AGL: variants seen among roughly 807,000 people sequenced by gnomAD.
AGL encodes the protein amylo-alpha-1,6-glucosidase and 4-alpha-glucanotransferase, also known as glycogen debranching enzyme.
In AGL, 128 loss-of-function variants were observed where a neutral mutation model predicts 199.3. That is an observed-to-expected ratio of 0.64 (90% confidence interval 0.56 to 0.74). The LOEUF (loss-of-function observed/expected upper bound fraction) is 0.74. Among genes scored for constraint, AGL ranks in the 30% least tolerant of loss-of-function variants. The pLI, the probability that AGL is intolerant of heterozygous loss-of-function variation, is 0.00. For missense variants in AGL, 1,809 were observed against 1,820.8 expected (o/e 0.99, Z 0.12); for synonymous variants, 584 against 594.7 (o/e 0.98, Z 0.26).
chr1:99,876,569 T>C lies in AGL; in HGVS notation c.1395T>C (p.Asp465=). 1 of 1,614,050 alleles carries C rather than the reference T, an allele frequency of 6.2e-7. No individual in the cohort carries two copies. The highest frequency in any genetic ancestry group is 8.5e-7 in the Non-Finnish European group (1 of 1,179,978). The change falls in exon 11 of 34, where the codon GAT becomes GAC. Residue 465 remains aspartate (D), a synonymous_variant. Transcript: ENST00000361915. ...CACACAATGGATGGGTAATGGGAGA[T>C]GATCCTCTTCGAAACTTTGCTGAAC... The part of the protein sequence containing the change: ...LMAHNGWVMG[D]DPLRNFAEPG...
chr1:99,886,388 A>G (rs1013272236), intron 20 of AGL, among the ~76,000 whole-genome samples: 1 of 152,110 alleles, frequency 6.6e-6, no homozygotes, highest in Non-Finnish European at 1.5e-5. Context: ...CTGAGGTAAC[A>G]GCATCAGCAT....
chr1:99,868,981 T>C (rs1286120900), intron 5 of AGL, among the ~76,000 whole-genome samples: 2 of 152,040 alleles, frequency 1.3e-5, no homozygotes, highest in East Asian at 3.9e-4. Flanking sequence ...CATGCCACCA[T>C]GCTCAGCTAA....
intron 4 of AGL, among the ~76,000 whole-genome samples, chr1:99,863,571 G>C (rs541325318): frequency 1.3e-5 from 2 of 152,034 alleles, no homozygotes; most frequent in African/African-American, 2.4e-5. Context: ...TTCTGCCTCA[G>C]CCTCCCGAGT....
chr1:99,874,862 A>G (rs912866234), intron 8 of AGL, 52 bp downstream of exon 8: 19 of 1,579,890 alleles, frequency 1.2e-5, no homozygotes, highest in Non-Finnish European at 1.7e-5. Flanking sequence ...ACAAACCTTT[A>G]TGGCTAGTAT....
intron 27 of AGL, among the ~76,000 whole-genome samples, chr1:99,908,216 T>C (rs1177934525): frequency 6.6e-6 from 1 of 152,142 alleles, no homozygotes; most frequent in Non-Finnish European, 1.5e-5. Context: ...GTCCATTTTT[T>C]TTTTTTGCAT....
At chr1:99,852,493 C>T in intron 2 of AGL, 1 of 605,766 alleles carries the variant, frequency 1.7e-6, no homozygotes. Context: ...CCTCAGCCTC[C>T]CAAGTAGCTG....
At chr1:99,917,494 G>A (rs1014874874) in intron 33 of AGL, among the ~76,000 whole-genome samples, 1 of 152,016 alleles carries the variant, frequency 6.6e-6, no homozygotes, top group East Asian at 1.9e-4. Flanking sequence ...GCATGTAATC[G>A]GGCCTTGCTC....
At chr1:99,850,753 A>G in intron 1 of AGL, 1 of 380,764 alleles carries the variant, frequency 2.6e-6, no homozygotes, top group Non-Finnish European at 4.8e-6. Context: ...TAATTGTAAG[A>G]ATCTGTAATA....
At chr1:99,911,023 T>C (rs1329474816) in intron 28 of AGL, among the ~76,000 whole-genome samples, 176 bp downstream of exon 28, 1 of 152,226 alleles carries the variant, frequency 6.6e-6, no homozygotes, top group Non-Finnish European at 1.5e-5. Context: ...ATATAAGTTA[T>C]CAAGTAACAC....
intron 29 of AGL, 70 bp from the exon 30 acceptor site, chr1:99,913,457 A>G (rs1052869210): frequency 1.9e-4 from 238 of 1,253,388 alleles, no homozygotes; most frequent in Non-Finnish European, 2.7e-4. Context: ...AAATATTACT[A>G]TTTGTCTGTA....
At chr1:99,903,764 T>C (rs2100828267) in intron 27 of AGL, among the ~76,000 whole-genome samples, 1 of 152,264 alleles carries the variant, frequency 6.6e-6, no homozygotes, top group Non-Finnish European at 1.5e-5. Context: ...AGTGTAAAAG[T>C]GTTCCTATTT....
In AGL at chr1:99,916,593, T is replaced by C; in HGVS notation, c.4348-5T>C. ...TTTTTTTGTCTTTTAAATAATCTTT[T>C]TTAGGAGTGGCTGTGGCCTATTGGG... On this transcript the variant is annotated splice_polypyrimidine_tract_variant and splice_region_variant and intron_variant, in intron 32 of 33. Coordinates refer to ENST00000361915, the MANE Select transcript of AGL (RefSeq NM_000642.3). The C allele has an allele frequency of 6.2e-7, 1 of 1,612,970 alleles. No individual in the cohort carries two copies. The highest frequency in any genetic ancestry group is 2.2e-5 in the East Asian group (1 of 44,802).
chr1:99,852,594 T>C (rs1649062555), intron 2 of AGL: 7 of 713,400 alleles, frequency 9.8e-6, no homozygotes, highest in East Asian at 5.2e-5. Flanking sequence ...CAGGTTGATA[T>C]TGAACTCCTG....
upstream of AGL, among the ~76,000 whole-genome samples, chr1:99,849,899 G>GT (rs1310913686): frequency 6.6e-6 from 1 of 152,236 alleles, no homozygotes; most frequent in African/African-American, 2.4e-5. Context: ...ATGTGCAACT[G>GT]TGAGCTCGCA....
At chr1:99,850,909 C>A in intron 1 of AGL, 66 bp from the exon 2 acceptor site, 5 of 782,258 alleles carry the variant, frequency 6.4e-6, no homozygotes, top group Non-Finnish European at 1.1e-5. Context: ...GTAAGTGCCG[C>A]TGTCAGCTCT....
chr1:99,874,250 A>C (rs633127), intron 7 of AGL, among the ~76,000 whole-genome samples: 113,129 of 148,846 alleles, frequency 0.76, 43,721 homozygotes, highest in African/African-American at 0.92. Flanking sequence ...AAAGTCCTTA[A>C]AGTGTTTAAA....
At chr1:99,863,032 C>T (rs1650191483) in intron 4 of AGL, among the ~76,000 whole-genome samples, 1 of 152,008 alleles carries the variant, frequency 6.6e-6, no homozygotes, top group Non-Finnish European at 1.5e-5. Context: ...CTCCACCTCC[C>T]GGGTTCAAAC....
chr1:99,876,173 C>G (rs185572914), intron 10 of AGL, among the ~76,000 whole-genome samples: 95 of 152,328 alleles, frequency 6.2e-4, no homozygotes, highest in Non-Finnish European at 1.1e-3. Context: ...CCATGCCCAG[C>G]TGCCTCAATG....
chr1:99,913,724 A>G lies in AGL; in HGVS notation c.4147A>G (p.Ile1383Val), dbSNP rs555117703. 6.2e-7 allele frequency: 1 copy of G among 1,613,998 alleles called. No homozygotes were observed. The highest frequency in any genetic ancestry group is 8.5e-7 in the Non-Finnish European group (1 of 1,179,852). ...CTATCAGCTCAGGCCTAATTTTACCATAGCAATGGTTGTGGTAGGTGATTC... is the reference window on the plus strand; with the variant it reads ...CTATCAGCTCAGGCCTAATTTTACCGTAGCAATGGTTGTGGTAGGTGATTC... ...CDYQLRPNFT[I>V]AMVVAPELFT... Residue 1383 changes from isoleucine (I) to valine (V), a missense_variant, in exon 30 of 34, where the codon ATA becomes GTA. Physicochemically the swap from Ile to Val is conservative, Grantham distance 29 (BLOSUM62 3). Coordinates refer to ENST00000361915, the MANE Select transcript of AGL (RefSeq NM_000642.3).
Sources: allele counts gnomAD v4.1 joint callset (sites outside exome capture counted in the v4.1 genomes callset), GRCh38; gene constraint gnomAD v4.1.1; transcripts MANE v1.5; gene names NCBI Gene and HGNC (gene_info 2026-07-23, HGNC 2026-07-21).